STARD3NL: variants seen among roughly 807,000 people sequenced by gnomAD.
STARD3NL encodes STARD3 N-terminal like.
In STARD3NL, 17 loss-of-function variants were observed where a neutral mutation model predicts 30.9. The observed-to-expected ratio is 0.55, with a 90% CI of 0.38 to 0.82. The LOEUF (loss-of-function observed/expected upper bound fraction) is 0.82, where lower values mean the gene tolerates loss of function less well. STARD3NL is among the 40% of genes least tolerant of loss of function. STARD3NL has a pLI of 0.00. For missense variants in STARD3NL, 234 were observed against 277.6 expected (o/e 0.84, Z 1.12); for synonymous variants, 112 against 100.5 (o/e 1.11, Z -0.69).
At chr7:38,214,315 C>T in intron 2 of STARD3NL, 42 bp from the exon 3 acceptor site, 1 of 1,288,700 alleles carries the variant, frequency 7.8e-7, no homozygotes, top group Non-Finnish European at 1.1e-6. Flanking sequence ...TATTTCCACA[C>T]ATAAACCTCT....
chr7:38,199,532 G>A (rs916862071), intron 1 of STARD3NL, among the ~76,000 whole-genome samples: 1 of 152,182 alleles, frequency 6.6e-6, no homozygotes, highest in Non-Finnish European at 1.5e-5. Flanking sequence ...GCAGTGAAGT[G>A]GATAATTAAG....
In STARD3NL at chr7:38,213,640, C is replaced by G. The variant is rs560695602; in HGVS notation, c.226-717C>G. On this transcript the variant is annotated intron_variant, in intron 2 of 8. Coordinates refer to ENST00000009041, the MANE Select transcript of STARD3NL (RefSeq NM_032016.4). ...CCTGCTTGGGTGCTGCATTAGCTGC[C>G]GACACATGTCCCCTTACTTGATTTT... Among the ~76,000 whole-genome samples the G allele has an allele frequency of 9.9e-5, 15 of 152,136 alleles. No homozygotes were observed. In the South Asian group the frequency reaches 2.9e-3, roughly 29 times the overall value.
chr7:38,200,388 T>C (rs1238519880), intron 1 of STARD3NL, among the ~76,000 whole-genome samples: 1 of 152,174 alleles, frequency 6.6e-6, no homozygotes, highest in Non-Finnish European at 1.5e-5. Flanking sequence ...TCTTCCCTGT[T>C]CCACTATTTT....
intron 4 of STARD3NL, 88 bp downstream of exon 4, chr7:38,215,193 A>G: frequency 7.8e-7 from 1 of 1,275,822 alleles, no homozygotes; most frequent in Non-Finnish European, 1.1e-6. Context: ...GAGAAGATAC[A>G]GTTCTAATGC....
intron 7 of STARD3NL, among the ~76,000 whole-genome samples, chr7:38,221,616 A>C (rs62443340): frequency 0.077 from 11,705 of 152,294 alleles, 592 homozygotes; most frequent in Non-Finnish European, 0.11. Flanking sequence ...GCTAGAGTTC[A>C]TGCTTATAAC....
In STARD3NL at chr7:38,178,315, G is replaced by T. The variant is rs1784096609; in HGVS notation, c.-164G>T. On this transcript the variant is annotated 5_prime_UTR_variant, in exon 1 of 9. Coordinates refer to ENST00000009041, the MANE Select transcript of STARD3NL (RefSeq NM_032016.4). ...GGCTGCGCGTTGTCCGCTGGACTGG[G>T]TCCCGGTCACGCCCCGCCAAGCCCC... 6.6e-6 allele frequency: 1 copy of T among 152,132 alleles called. No individual in the cohort carries two copies. Among genetic ancestry groups the T allele is most frequent in the African/African-American group, 2.4e-5 (1 of 41,428 alleles). 9.4% of individuals were successfully genotyped at this position (152,132 alleles called of 1,614,324 possible).
At chr7:38,212,376 C>G (rs1017692948) in intron 2 of STARD3NL, among the ~76,000 whole-genome samples, 4 of 152,138 alleles carry the variant, frequency 2.6e-5, no homozygotes, top group Non-Finnish European at 5.9e-5. Context: ...TTTCCTTTAT[C>G]TTTTTATAGA....
At chr7:38,208,299 T>C (rs1785605686) in intron 2 of STARD3NL, among the ~76,000 whole-genome samples, 1 of 152,234 alleles carries the variant, frequency 6.6e-6, no homozygotes, top group South Asian at 2.1e-4. Context: ...CTTTACTTTC[T>C]TGCAAAGAGA....
intron 1 of STARD3NL, among the ~76,000 whole-genome samples, chr7:38,195,864 T>C (rs1784878538): frequency 6.6e-6 from 1 of 152,242 alleles, no homozygotes. Flanking sequence ...ATGTAGGTCA[T>C]TAGAAATATC....
chr7:38,182,231 G>A (rs932093113), intron 1 of STARD3NL, among the ~76,000 whole-genome samples: 2 of 152,016 alleles, frequency 1.3e-5, no homozygotes, highest in African/African-American at 4.8e-5. Flanking sequence ...CACACTGTTA[G>A]GCTTTTCTCA....
At chr7:38,215,140 C>T in intron 4 of STARD3NL, 35 bp downstream of exon 4, 1 of 1,602,228 alleles carries the variant, frequency 6.2e-7, no homozygotes, top group Non-Finnish European at 8.5e-7. Flanking sequence ...TCATCTCCTC[C>T]AGTGCTGGTG....
At chr7:38,189,413 A>T (rs1208989379) in intron 1 of STARD3NL, among the ~76,000 whole-genome samples, 1 of 152,216 alleles carries the variant, frequency 6.6e-6, no homozygotes, top group Non-Finnish European at 1.5e-5. Flanking sequence ...TGTGAATTAA[A>T]TAACACATGG....
At chr7:38,208,780 T>C (rs926363651) in intron 2 of STARD3NL, among the ~76,000 whole-genome samples, 21 of 152,364 alleles carry the variant, frequency 1.4e-4, no homozygotes, top group African/African-American at 4.6e-4. Flanking sequence ...TACAAAAATA[T>C]GAAAAGATGC....
At chr7:38,194,236 T>C (rs1453200751) in intron 1 of STARD3NL, among the ~76,000 whole-genome samples, 1 of 152,192 alleles carries the variant, frequency 6.6e-6, no homozygotes, top group Non-Finnish European at 1.5e-5. Flanking sequence ...CCTTTATTAG[T>C]ACTCCCTTTA....
chr7:38,214,981 T>G, intron 3 of STARD3NL, 47 bp from the exon 4 acceptor site: 1 of 1,537,710 alleles, frequency 6.5e-7, no homozygotes, highest in Non-Finnish European at 8.9e-7. Context: ...AGCTGTGTCA[T>G]TTTTGTATAT....
In STARD3NL at chr7:38,181,107, A is replaced by G. The variant is rs557018486; in HGVS notation, c.-59+2687A>G. 1.4e-3 allele frequency among the ~76,000 whole-genome samples: 208 copies of G among 152,356 alleles called. 1 individual carries two copies. The highest frequency in any genetic ancestry group is 4.8e-3 in the African/African-American group (201 of 41,590). ...CTTATTTTCCTTCCCTTTTCTGAAC[A>G]ATGAACAGGTATAAACTTTCTGGAT... On this transcript the variant is annotated intron_variant, in intron 1 of 8. Transcript: ENST00000009041.
chr7:38,199,852 G>A (rs28664954), intron 1 of STARD3NL, among the ~76,000 whole-genome samples: 34,407 of 152,114 alleles, frequency 0.23, 3,931 homozygotes, highest in Middle Eastern at 0.26. Flanking sequence ...ATGTGATATT[G>A]GTGCATATGC....
At chr7:38,227,405 T>C (rs1475864141) in intron 7 of STARD3NL, among the ~76,000 whole-genome samples, 1 of 152,242 alleles carries the variant, frequency 6.6e-6, no homozygotes, top group African/African-American at 2.4e-5. Context: ...TCTTTACCTA[T>C]TCATTTTACT....
At chr7:38,202,914 T>TA (rs1785258573) in intron 1 of STARD3NL, among the ~76,000 whole-genome samples, 1 of 152,056 alleles carries the variant, frequency 6.6e-6, no homozygotes, top group African/African-American at 2.4e-5. Context: ...CATCATTTTT[T>TA]ATGGCTGCAT....
Sources: allele counts gnomAD v4.1 joint callset (sites outside exome capture counted in the v4.1 genomes callset), GRCh38; gene constraint gnomAD v4.1.1; transcripts MANE v1.5; gene names NCBI Gene and HGNC (gene_info 2026-07-23, HGNC 2026-07-21).